The following FNDC3A variants were observed in gnomAD, a reference collection of about 807,000 sequenced individuals.
The protein encoded by FNDC3A is fibronectin type III domain containing 3A, also known as fibronectin type-III domain-containing protein 3A.
In FNDC3A, 32 loss-of-function variants were observed where a neutral mutation model predicts 148.9. That is an observed-to-expected ratio of 0.21 (90% CI 0.16 to 0.29). FNDC3A has a LOEUF of 0.29. Ranked by LOEUF, FNDC3A falls within the 10% of genes least tolerant of loss-of-function variation. The pLI, the probability that FNDC3A is intolerant of heterozygous loss-of-function variation, is 1.00. For synonymous variants in FNDC3A, 472 were observed against 473.6 expected (o/e 1.00, Z 0.04); for missense variants, 1,191 against 1,452.8 (o/e 0.82, Z 2.93).
chr13:49,122,719 G>T (rs1881436230), intron 4 of FNDC3A, among the ~76,000 whole-genome samples: 1 of 152,158 alleles, frequency 6.6e-6, no homozygotes, highest in African/African-American at 2.4e-5. Context: ...CAAACAGAGA[G>T]CCAAATCATG....
chr13:49,062,175 C>T (rs1876945175), intron 2 of FNDC3A, among the ~76,000 whole-genome samples: 2 of 152,130 alleles, frequency 1.3e-5, no homozygotes, highest in African/African-American at 4.8e-5. Flanking sequence ...TCAAACCTTA[C>T]ACCACCCAGG....
intron 11 of FNDC3A, 43 bp from the exon 12 acceptor site, chr13:49,174,392 A>G (rs761139472): frequency 1.7e-5 from 25 of 1,513,584 alleles, no homozygotes; most frequent in Non-Finnish European, 2.3e-5. Flanking sequence ...TTATCTTTTT[A>G]CAGTAATGTA....
chr13:49,133,908 T>C (rs896198791), intron 5 of FNDC3A, among the ~76,000 whole-genome samples: 1 of 152,216 alleles, frequency 6.6e-6, no homozygotes, highest in Non-Finnish European at 1.5e-5. Flanking sequence ...CTTTATTATT[T>C]TGAATAATAG....
chr13:49,090,087 G>A (rs1879085700), intron 3 of FNDC3A, among the ~76,000 whole-genome samples: 1 of 152,110 alleles, frequency 6.6e-6, no homozygotes. Flanking sequence ...AAAAGGGCAG[G>A]AGAAGAAAAA....
At chr13:49,000,872 G>T (rs903745935) in intron 1 of FNDC3A, among the ~76,000 whole-genome samples, 1 of 151,676 alleles carries the variant, frequency 6.6e-6, no homozygotes, top group African/African-American at 2.4e-5. Flanking sequence ...AATTTTCATT[G>T]TTATATATAG....
At chr13:49,179,521 A>C (rs1044561556) in intron 14 of FNDC3A, among the ~76,000 whole-genome samples, 1 of 152,188 alleles carries the variant, frequency 6.6e-6, no homozygotes, top group Non-Finnish European at 1.5e-5. Flanking sequence ...TGCCTAAATC[A>C]ATTATTACCA....
At chr13:49,197,458 CAT>C (rs1169215973) in intron 20 of FNDC3A, among the ~76,000 whole-genome samples, 1 of 152,090 alleles carries the variant, frequency 6.6e-6, no homozygotes, top group Non-Finnish European at 1.5e-5. Flanking sequence ...TATCTTGAAA[CAT>C]ATTTACCTTA....
chr13:49,126,274 GTTT>G (rs10562562), intron 4 of FNDC3A, among the ~76,000 whole-genome samples: 16,287 of 150,130 alleles, frequency 0.11, 1,348 homozygotes, highest in East Asian at 0.46. Context: ...TTTTTTGTTT[GTTT>G]TTTTAATTGT....
At chr13:48,980,828 AT>A (rs1429978946) in intron 1 of FNDC3A, among the ~76,000 whole-genome samples, 3 of 152,070 alleles carry the variant, frequency 2.0e-5, no homozygotes, top group African/African-American at 7.2e-5. Context: ...TCATGAGAGC[AT>A]TTTTTCATTA....
chr13:49,162,014 A>C (rs1017021647), intron 8 of FNDC3A, among the ~76,000 whole-genome samples: 4 of 151,992 alleles, frequency 2.6e-5, no homozygotes, highest in African/African-American at 9.7e-5. Context: ...GGGTAACCCG[A>C]CCTTTCTCTC....
chr13:49,062,331 G>A (rs776915434), intron 2 of FNDC3A, among the ~76,000 whole-genome samples: 1 of 152,050 alleles, frequency 6.6e-6, no homozygotes, highest in African/African-American at 2.4e-5. Context: ...AAAATAAGTG[G>A]GGGTAAAGAT....
At chr13:49,025,227 G>A (rs1450631502) in intron 2 of FNDC3A, among the ~76,000 whole-genome samples, 9 of 151,930 alleles carry the variant, frequency 5.9e-5, no homozygotes, top group Non-Finnish European at 1.5e-5. Flanking sequence ...GTGTGCCTGT[G>A]CACACTGGTT....
chr13:49,144,618 A>T (rs1481979571), intron 7 of FNDC3A, among the ~76,000 whole-genome samples: 1 of 152,124 alleles, frequency 6.6e-6, no homozygotes, highest in Non-Finnish European at 1.5e-5. Context: ...TAATCTCTAG[A>T]TTTTTTTCGC....
At chr13:49,043,226 A>G (rs1875089056) in intron 2 of FNDC3A, among the ~76,000 whole-genome samples, 1 of 152,082 alleles carries the variant, frequency 6.6e-6, no homozygotes, top group Non-Finnish European at 1.5e-5. Flanking sequence ...TTGGCTCCCA[A>G]AGTGTTGGAA....
At chr13:49,121,244 T>G (rs1361933033) in intron 4 of FNDC3A, among the ~76,000 whole-genome samples, 1 of 152,072 alleles carries the variant, frequency 6.6e-6, no homozygotes, top group Non-Finnish European at 1.5e-5. Flanking sequence ...CCTGAATGAG[T>G]ACTGGGTAAA....
Position 49,139,809 on chromosome 13 carries a change from C to A in FNDC3A, c.819+1004C>A, listed in dbSNP as rs80214541. Among the ~76,000 whole-genome samples the A allele has an allele frequency of 2.6e-3, 393 of 152,266 alleles. 10 individuals carry two copies. In the East Asian group the frequency reaches 0.041, roughly 16 times the overall value. On this transcript the variant is annotated intron_variant, in intron 7 of 25. Coordinates refer to ENST00000492622, the MANE Select transcript of FNDC3A (RefSeq NM_001079673.2). ...CATGTGCATTATTTAATACCTGTGA[C>A]AACCATATATGTACTATTTTCCCTG...
chr13:49,009,566 G>T (rs1307247201), intron 2 of FNDC3A, among the ~76,000 whole-genome samples: 1 of 152,180 alleles, frequency 6.6e-6, no homozygotes, highest in Admixed American at 6.5e-5. Flanking sequence ...CTGTACCATT[G>T]TACATTCTTT....
intron 10 of FNDC3A, among the ~76,000 whole-genome samples, chr13:49,170,249 G>A (rs1884685498): frequency 6.6e-6 from 1 of 152,080 alleles, no homozygotes; most frequent in Admixed American, 6.6e-5. Context: ...GAGTCGGGAG[G>A]ATTAAACAGG....
intron 2 of FNDC3A, among the ~76,000 whole-genome samples, chr13:49,038,586 C>CT (rs1422221248): frequency 1.3e-5 from 2 of 152,218 alleles, no homozygotes; most frequent in South Asian, 4.1e-4. Flanking sequence ...TTCTGTGGTT[C>CT]TTTTTTATGG....
Sources: gnomAD v4.1 joint callset for allele counts (sites outside exome capture counted in the v4.1 genomes callset) on GRCh38, gnomAD v4.1.1 for gene constraint, MANE v1.5 for transcripts, NCBI Gene and HGNC (gene_info 2026-07-23, HGNC 2026-07-21) for gene names.